The following EBPL variants were observed in gnomAD, a reference collection of about 807,000 sequenced individuals.
EBPL encodes the protein emopamil-binding protein-like.
EBPL carries 20 observed loss-of-function variants against 19.0 expected under a neutral mutation model. That is an observed-to-expected ratio of 1.05 (90% CI 0.74 to 1.53). EBPL has a LOEUF of 1.53. Ranked by LOEUF, EBPL falls within the 40% of genes most tolerant of loss-of-function variation. The pLI, the probability that EBPL is intolerant of heterozygous loss-of-function variation, is 0.00. For missense variants in EBPL, 219 were observed against 261.1 expected (o/e 0.84, Z 1.11); for synonymous variants, 107 against 117.0 (o/e 0.91, Z 0.55).
chr13:49,679,020 G>T (rs868278627), intron 1 of EBPL, among the ~76,000 whole-genome samples: 13 of 26,994 alleles, frequency 4.8e-4, no homozygotes, highest in Non-Finnish European at 8.1e-4. Flanking sequence ...AAAAAAAAAA[G>T]ACTATTCAGG....
At chr13:49,682,032 A>G (rs181085932) in intron 1 of EBPL, among the ~76,000 whole-genome samples, 23 of 152,338 alleles carry the variant, frequency 1.5e-4, no homozygotes, top group African/African-American at 4.6e-4. Flanking sequence ...TTGTTTCTGG[A>G]GGGATCAGCT....
At chr13:49,671,105 C>T (rs1953811102) in intron 1 of EBPL, among the ~76,000 whole-genome samples, 1 of 152,288 alleles carries the variant, frequency 6.6e-6, no homozygotes, top group Admixed American at 6.5e-5. Flanking sequence ...ACTCCTGTGT[C>T]ATTTAAGGAT....
At chr13:49,689,231 T>C (rs917229422) in intron 1 of EBPL, among the ~76,000 whole-genome samples, 3 of 152,196 alleles carry the variant, frequency 2.0e-5, no homozygotes, top group African/African-American at 7.2e-5. Context: ...AGGAGGTGTG[T>C]GTCGTGTTAC....
At chr13:49,689,655 A>C (rs1462469806) in intron 1 of EBPL, among the ~76,000 whole-genome samples, 3 of 151,864 alleles carry the variant, frequency 2.0e-5, no homozygotes, top group Admixed American at 2.0e-4. Flanking sequence ...TATGTTATAC[A>C]TTTTTATATA....
chr13:49,668,136 G>A (rs1343181584), intron 2 of EBPL: 1 of 152,982 alleles, frequency 6.5e-6, no homozygotes, highest in Admixed American at 6.5e-5. Flanking sequence ...CCTTGGCTAG[G>A]ACTTGAGGCA....
intron 1 of EBPL, 60 bp downstream of exon 1, chr13:49,691,194 T>C: frequency 7.9e-7 from 1 of 1,258,998 alleles, no homozygotes; most frequent in Non-Finnish European, 1.0e-6. Flanking sequence ...CACCCCGCCT[T>C]GCCGCCCCCG....
intron 1 of EBPL, among the ~76,000 whole-genome samples, chr13:49,684,590 G>A (rs1443780911): frequency 6.6e-6 from 1 of 152,174 alleles, no homozygotes; most frequent in Non-Finnish European, 1.5e-5. Context: ...CAGGAGAACT[G>A]CTTGAACCCA....
intron 1 of EBPL, among the ~76,000 whole-genome samples, chr13:49,674,021 G>A (rs1002962893): frequency 6.7e-6 from 1 of 148,894 alleles, no homozygotes; most frequent in African/African-American, 2.4e-5. Context: ...GTCTGAAAAA[G>A]ATCAGTGGAC....
intron 1 of EBPL, among the ~76,000 whole-genome samples, chr13:49,687,021 G>A (rs1428228594): frequency 6.6e-6 from 1 of 152,078 alleles, no homozygotes; most frequent in Non-Finnish European, 1.5e-5. Flanking sequence ...TAGCAAGGCT[G>A]GTCTCGCAAC....
chr13:49,665,065 TA>T (rs1965206188), intron 2 of EBPL, among the ~76,000 whole-genome samples: 1 of 151,770 alleles, frequency 6.6e-6, no homozygotes, highest in African/African-American at 2.4e-5. Flanking sequence ...AAATATCACC[TA>T]AGTAAAATGT....
intron 3 of EBPL, 119 bp downstream of exon 3, chr13:49,662,938 T>A: frequency 1.5e-6 from 2 of 1,364,780 alleles, no homozygotes; most frequent in Non-Finnish European, 2.0e-6. Flanking sequence ...GCCCAGCCTC[T>A]ATTCTTCCAC....
intron 2 of EBPL, among the ~76,000 whole-genome samples, chr13:49,665,213 T>C (rs967979541): frequency 6.7e-6 from 1 of 149,960 alleles, no homozygotes; most frequent in East Asian, 2.0e-4. Flanking sequence ...CAGGTTCAAG[T>C]GATTCTCCAG....
At chr13:49,675,407 C>G (rs192692215) in intron 1 of EBPL, among the ~76,000 whole-genome samples, 1 of 152,220 alleles carries the variant, frequency 6.6e-6, no homozygotes, top group East Asian at 1.9e-4. Context: ...ATATTCAGTC[C>G]CTTATTGACT....
chr13:49,684,984 C>A (rs1482948168), intron 1 of EBPL, among the ~76,000 whole-genome samples: 1 of 152,148 alleles, frequency 6.6e-6, no homozygotes, highest in Non-Finnish European at 1.5e-5. Context: ...CAGCTCACTG[C>A]AAACTCTGCC....
At chr13:49,670,309 C>T (rs1315464853) in intron 1 of EBPL, among the ~76,000 whole-genome samples, 1 of 152,116 alleles carries the variant, frequency 6.6e-6, no homozygotes, top group Non-Finnish European at 1.5e-5. Flanking sequence ...CCCCCCTTCT[C>T]CTATATAAGG....
In EBPL at chr13:49,689,113, T is replaced by C. The variant is rs1405331217; in HGVS notation, c.171+2141A>G. On this transcript the variant is annotated intron_variant, in intron 1 of 3. Coordinates refer to ENST00000242827, the MANE Select transcript of EBPL (RefSeq NM_032565.5). ...GGCCTACAGTAGTTACATGATGTAG[T>C]TGATTCTTCTAATATGTGAAAAAAT... 4.6e-5 allele frequency among the ~76,000 whole-genome samples: 7 copies of C among 152,186 alleles called. No homozygotes were observed. The South Asian group carries it at 6.2e-4, about 13-fold the overall frequency.
intron 1 of EBPL, among the ~76,000 whole-genome samples, chr13:49,674,903 G>A (rs74077703): frequency 0.01 from 1,568 of 152,252 alleles, 24 homozygotes; most frequent in African/African-American, 0.036. Context: ...TGCAACCATC[G>A]CCACCATCCA....
intron 3 of EBPL, among the ~76,000 whole-genome samples, chr13:49,662,452 G>A (rs919319790): frequency 6.6e-6 from 1 of 152,216 alleles, no homozygotes; most frequent in Admixed American, 6.5e-5. Flanking sequence ...AAGGATGGAC[G>A]TATTATGGTT....
chr13:49,660,792 T>C lies in EBPL; in HGVS notation c.*176A>G, dbSNP rs771417334. 1.7e-5 allele frequency: 9 copies of C among 543,978 alleles called. No individual in the cohort carries two copies. The highest frequency in any genetic ancestry group is 2.3e-5 in the Non-Finnish European group (7 of 309,222). 33.7% of individuals were successfully genotyped at this position (543,978 alleles called of 1,614,324 possible). A position where few individuals can be genotyped will look rare whatever the true frequency, so the allele number is the denominator to read the frequency against. The stretch of plus-strand genomic sequence containing the variant: ...CTCTTTTCCCTATATCACCATTTAA[T>C]TGAACAACAATACAACGAAAACTGG... On this transcript the variant is annotated 3_prime_UTR_variant, in exon 4 of 4. Transcript: ENST00000242827.
Sources: allele counts gnomAD v4.1 joint callset (sites outside exome capture counted in the v4.1 genomes callset), GRCh38; gene constraint gnomAD v4.1.1; transcripts MANE v1.5; gene names NCBI Gene and HGNC (gene_info 2026-07-23, HGNC 2026-07-21).